The following ATP2B2 variants were observed in gnomAD, a reference collection of about 807,000 sequenced individuals.
The protein encoded by ATP2B2 is ATPase plasma membrane Ca2+ transporting 2.
In ATP2B2, 15 loss-of-function variants were observed where a neutral mutation model predicts 120.0. The ratio of observed to expected loss-of-function variants is 0.12; its 90% CI spans 0.08 to 0.19. The LOEUF is 0.19. ATP2B2 is among the 10% of genes least tolerant of loss of function. The probability of loss-of-function intolerance (pLI) is 1.00; values close to 1 mark genes in which losing one functional copy is unlikely to be tolerated. For synonymous variants in ATP2B2, 694 were observed against 700.3 expected, an observed-to-expected ratio of 0.99 and a Z score of 0.14; for missense variants, 1,045 against 1,719.8, an observed-to-expected ratio of 0.61 and a Z score of 6.94.
At chr3:10,389,217 C>G (rs1477662760) in intron 5 of ATP2B2, among the ~76,000 whole-genome samples, 1 of 152,008 alleles carries the variant, frequency 6.6e-6, no homozygotes, top group Non-Finnish European at 1.5e-5. Context: ...CAGGATGGCT[C>G]TACTTTTATT....
intron 14 of ATP2B2, among the ~76,000 whole-genome samples, chr3:10,353,245 T>A (rs2060626626): frequency 1.3e-5 from 2 of 152,256 alleles, no homozygotes; most frequent in Admixed American, 1.3e-4. Context: ...GGTTTTGTGC[T>A]GCTTCAGTGC....
chr3:10,350,582 G>A lies in ATP2B2; in HGVS notation c.2137-5C>T. On this transcript the variant is annotated splice_region_variant and splice_polypyrimidine_tract_variant and intron_variant, in intron 14 of 22. Transcript: ENST00000360273. Reference sequence around the variant, plus strand: ...CTTGCGGATGGCTTCTGGGACCTGGGCAGGAGGGCAGGGGCCATGGGGGAG... The same window carrying A: ...CTTGCGGATGGCTTCTGGGACCTGGACAGGAGGGCAGGGGCCATGGGGGAG... The A allele has an allele frequency of 1.2e-6, 2 of 1,610,982 alleles. No individual in the cohort carries two copies. The highest frequency in any genetic ancestry group is 1.1e-5 in the South Asian group (1 of 91,072).
At chr3:10,694,894 T>C (rs2071718784) in intron 1 of ATP2B2, among the ~76,000 whole-genome samples, 1 of 152,054 alleles carries the variant, frequency 6.6e-6, no homozygotes, top group Non-Finnish European at 1.5e-5. Flanking sequence ...TTTTGGCAGC[T>C]GTGCAAACTG....
chr3:10,691,220 T>C (rs1376677037), intron 1 of ATP2B2, among the ~76,000 whole-genome samples: 1 of 152,196 alleles, frequency 6.6e-6, no homozygotes, highest in Non-Finnish European at 1.5e-5. Flanking sequence ...GTCTGCAATA[T>C]GGGGATAGGA....
chr3:10,682,252 T>A (rs1415910022), intron 1 of ATP2B2, among the ~76,000 whole-genome samples: 3 of 152,208 alleles, frequency 2.0e-5, no homozygotes, highest in Non-Finnish European at 2.9e-5. Flanking sequence ...TTTGCCCTGA[T>A]AGCAAGTTTG....
intron 2 of ATP2B2, among the ~76,000 whole-genome samples, chr3:10,427,618 A>G (rs1296201806): frequency 1.3e-5 from 2 of 152,198 alleles, no homozygotes; most frequent in Non-Finnish European, 2.9e-5. Flanking sequence ...AATATCAGGT[A>G]TGTGGTGTCT....
intron 3 of ATP2B2, among the ~76,000 whole-genome samples, chr3:10,525,565 TAAC>T: frequency 6.6e-6 from 1 of 152,276 alleles, no homozygotes; most frequent in Non-Finnish European, 1.5e-5. Flanking sequence ...TGTTTTTGCC[TAAC>T]ACCCTTTTCC....
Position 10,386,530 on chromosome 3 carries a change from A to G in ATP2B2, c.908-18T>C. On this transcript the variant is annotated intron_variant, in intron 6 of 22. Coordinates refer to ENST00000360273, the MANE Select transcript of ATP2B2 (RefSeq NM_001001331.4). ...CTTCACACCTGTGTGATGATTTTTG[A>G]GACATGTTAATGAAGGAGAAGCACA... 1 of 1,614,088 alleles carries G rather than the reference A, an allele frequency of 6.2e-7. No homozygotes were observed. Among genetic ancestry groups the G allele is most frequent in the Non-Finnish European group, 8.5e-7 (1 of 1,179,922 alleles).
At chr3:10,540,522 T>C (rs1429419516) in intron 2 of ATP2B2, among the ~76,000 whole-genome samples, 2 of 152,100 alleles carry the variant, frequency 1.3e-5, no homozygotes, top group Non-Finnish European at 2.9e-5. Context: ...ATATACACCA[T>C]GGAATACTAT....
chr3:10,459,427 G>C (rs2064393997), intron 1 of ATP2B2, among the ~76,000 whole-genome samples: 1 of 152,222 alleles, frequency 6.6e-6, no homozygotes, highest in Non-Finnish European at 1.5e-5. Flanking sequence ...GGCCCTGCCT[G>C]GGATGGGCCA....
intron 1 of ATP2B2, among the ~76,000 whole-genome samples, chr3:10,693,595 C>A (rs1192207999): frequency 6.6e-6 from 1 of 152,250 alleles, no homozygotes; most frequent in Non-Finnish European, 1.5e-5. Context: ...CTGCTTCTTG[C>A]TGTTTCTTTG....
At position 10,667,982 on chromosome 3, in the gene ATP2B2, C is replaced by T. The variant is rs144347851; in HGVS notation, c.-460+39933G>A. On this transcript the variant is annotated intron_variant, in intron 1 of 21. Coordinates refer to the ATP2B2 transcript ENST00000646379. Reference sequence around the variant, plus strand: ...TCCTTTCTAAAAAGAAATCACTGAACGAGGACAGATAGTGCAGGGGTGGGC... The same window carrying T: ...TCCTTTCTAAAAAGAAATCACTGAATGAGGACAGATAGTGCAGGGGTGGGC... 4.5e-4 allele frequency among the ~76,000 whole-genome samples: 65 copies of T among 145,072 alleles called. No homozygotes were observed. In the East Asian group the frequency reaches 5.9e-3, roughly 13 times the overall value.
At chr3:10,653,991 A>G (rs1430927148) in intron 1 of ATP2B2, among the ~76,000 whole-genome samples, 8 of 152,218 alleles carry the variant, frequency 5.3e-5, no homozygotes, top group Non-Finnish European at 1.2e-4. Context: ...TTGAGGAGTC[A>G]TTCCTTCCTA....
chr3:10,394,621 G>A (rs967399966), intron 5 of ATP2B2: 13 of 436,192 alleles, frequency 3.0e-5, no homozygotes, highest in African/African-American at 1.2e-4. Flanking sequence ...CCCTGGAGAC[G>A]GTGGCAGTGG....
chr3:10,597,297 G>C (rs373969479), intron 2 of ATP2B2, among the ~76,000 whole-genome samples: 2 of 116,608 alleles, frequency 1.7e-5, no homozygotes, highest in Non-Finnish European at 3.5e-5. Flanking sequence ...ACACACACAG[G>C]CACAGACACA....
chr3:10,372,080 C>T (rs2061259604), intron 11 of ATP2B2, 29 bp from the exon 12 acceptor site: 1 of 1,613,900 alleles, frequency 6.2e-7, no homozygotes. Flanking sequence ...GAGAGGGCAA[C>T]AGTGAGGAGA....
intron 1 of ATP2B2, among the ~76,000 whole-genome samples, chr3:10,679,179 T>G (rs985035972): frequency 1.3e-5 from 2 of 152,140 alleles, no homozygotes; most frequent in Admixed American, 6.5e-5. Context: ...TGCAGCTTCG[T>G]GAGACCCCAA....
Position 10,576,631 on chromosome 3 carries a change from C to A in ATP2B2, c.-414-42498G>T, listed in dbSNP as rs540484066. ...CTGGCCTCAAGTAATCCTCCTGCCT[C>A]GGCCTCCCAAATTGCTGGGATTACA... is the stretch of plus-strand genomic sequence containing the variant. On this transcript the variant is annotated intron_variant, in intron 2 of 21. Transcript: ENST00000646379. Among the ~76,000 whole-genome samples, 3 of 152,154 alleles carry A rather than the reference C, an allele frequency of 2.0e-5. No individual in the cohort carries two copies. In the South Asian group the frequency reaches 6.2e-4, roughly 32 times the overall value.
chr3:10,451,953 G>C (rs891654492), intron 1 of ATP2B2, among the ~76,000 whole-genome samples: 7 of 152,220 alleles, frequency 4.6e-5, no homozygotes, highest in Admixed American at 1.3e-4. Flanking sequence ...TCCATCCAAG[G>C]TAAATTCTAT....
Sources: allele counts gnomAD v4.1 joint callset (sites outside exome capture counted in the v4.1 genomes callset), GRCh38; gene constraint gnomAD v4.1.1; transcripts MANE v1.5; gene names NCBI Gene and HGNC (gene_info 2026-07-23, HGNC 2026-07-21).